PTPRO: variants seen among roughly 807,000 people sequenced by gnomAD.
The protein encoded by PTPRO is receptor-type tyrosine-protein phosphatase O.
In PTPRO, 62 loss-of-function variants were observed where a neutral mutation model predicts 145.2. The observed-to-expected ratio is 0.43, with a 90% CI of 0.35 to 0.53. PTPRO has a LOEUF of 0.53. Among genes scored for constraint, PTPRO ranks in the 20% least tolerant of loss-of-function variants. PTPRO has a pLI of 0.01. For missense variants in PTPRO, 1,345 were observed against 1,482.7 expected (o/e 0.91, Z 1.53); for synonymous variants, 565 against 514.7 (o/e 1.10, Z -1.32).
chr12:15,457,813 A>C (rs917621540), intron 1 of PTPRO, among the ~76,000 whole-genome samples: 1 of 152,094 alleles, frequency 6.6e-6, no homozygotes, highest in African/African-American at 2.4e-5. Context: ...GTATCTTTTA[A>C]AATATTTTTA....
chr12:15,555,332 T>C (rs536036070), intron 15 of PTPRO, among the ~76,000 whole-genome samples: 1 of 152,252 alleles, frequency 6.6e-6, no homozygotes, highest in East Asian at 1.9e-4. Flanking sequence ...AAGAAGGCCC[T>C]GCATTAATCA....
In PTPRO at chr12:15,596,680, C is replaced by T. The variant is rs935796619; in HGVS notation, c.*607C>T. 1 of 152,210 alleles carries T rather than the reference C, an allele frequency of 6.6e-6. No homozygotes were observed. The highest frequency in any genetic ancestry group is 1.5e-5 in the Non-Finnish European group (1 of 68,038). The allele number at this position is 152,210 out of a possible 1,614,324, so 9.4% of individuals were successfully genotyped here. Reference sequence around the variant, plus strand: ...TCAGGGAAGAGAGGGGTTCTACCCACAGATCAACTGTGTAATCTTTTACTA... The same window carrying T: ...TCAGGGAAGAGAGGGGTTCTACCCATAGATCAACTGTGTAATCTTTTACTA... On this transcript the variant is annotated 3_prime_UTR_variant, in exon 27 of 27. Transcript: ENST00000281171.
chr12:15,392,984 A>G (rs1022202222), intron 1 of PTPRO, among the ~76,000 whole-genome samples: 1 of 152,098 alleles, frequency 6.6e-6, no homozygotes, highest in African/African-American at 2.4e-5. Context: ...CATAGATCCA[A>G]TTGCATGTAT....
chr12:15,515,470 T>A (rs1555171836), intron 7 of PTPRO, 28 bp from the exon 8 acceptor site: 1 of 1,612,966 alleles, frequency 6.2e-7, no homozygotes, highest in Non-Finnish European at 8.5e-7. Flanking sequence ...CAGCTCTAAA[T>A]AAATCTTATT....
chr12:15,571,939 A>C (rs1013231243), intron 19 of PTPRO, among the ~76,000 whole-genome samples: 1 of 152,228 alleles, frequency 6.6e-6, no homozygotes, highest in South Asian at 2.1e-4. Flanking sequence ...TATAAATTTT[A>C]TGTGCTAAAT....
chr12:15,531,087 G>A (rs184289319), intron 12 of PTPRO, among the ~76,000 whole-genome samples: 12 of 152,190 alleles, frequency 7.9e-5, no homozygotes, highest in Admixed American at 7.2e-4. Context: ...ACTATGAACA[G>A]CTATAAACCA....
At position 15,504,008 on chromosome 12, in the gene PTPRO, T is replaced by C. The variant is rs1942271513; in HGVS notation, c.1206T>C (p.Ser402=). The change falls in exon 6 of 27, where the codon AGT becomes AGC. Residue 402 remains serine, a synonymous_variant. Transcript: ENST00000281171. ...GKYKLSVTTF[S]SSGSCETRKS... is the part of the protein sequence containing the mutation. ...ATAAGTTATCTGTGACAACCTTTAG[T>C]TCCTCAGGATCTTGTGAAACTCGAA... 3.1e-6 allele frequency: 5 copies of C among 1,612,376 alleles called. No homozygotes were observed. Among genetic ancestry groups the C allele is most frequent in the Admixed American group, 1.7e-5 (1 of 60,010 alleles).
At chr12:15,451,146 T>A (rs1941035548) in intron 1 of PTPRO, among the ~76,000 whole-genome samples, 1 of 151,916 alleles carries the variant, frequency 6.6e-6, no homozygotes, top group African/African-American at 2.4e-5. Context: ...AAAAAGACAT[T>A]CCATGCAAAT....
At chr12:15,460,739 C>T (rs551852778) in intron 1 of PTPRO, among the ~76,000 whole-genome samples, 141 of 152,280 alleles carry the variant, frequency 9.3e-4, no homozygotes, top group Admixed American at 2.7e-3. Context: ...ATAAGACCTA[C>T]GTTTAAGTAA....
chr12:15,500,941 A>G (rs1353301332), intron 4 of PTPRO, among the ~76,000 whole-genome samples: 3 of 152,192 alleles, frequency 2.0e-5, no homozygotes, highest in Non-Finnish European at 4.4e-5. Flanking sequence ...ATTAACAAAA[A>G]AGTTCATGGA....
rs1298190234 is a variant in PTPRO, at chr12:15,440,970, A to G, written c.76-43004A>G. ...GACAGGTCATGAAGGCAGCAAACTA[A>G]CAAAGAAACTCTGAACTTAAACTCA... On this transcript the variant is annotated intron_variant, in intron 1 of 26. Transcript: ENST00000281171. Among the ~76,000 whole-genome samples the G allele has an allele frequency of 2.0e-5, 3 of 152,198 alleles. No homozygotes were observed. The East Asian group carries it at 5.8e-4, about 29-fold the overall frequency.
chr12:15,508,506 C>T (rs1446503415), intron 6 of PTPRO, 65 bp from the exon 7 acceptor site: 11 of 1,487,298 alleles, frequency 7.4e-6, no homozygotes, highest in Admixed American at 1.8e-5. Context: ...TTTTTTAAAC[C>T]AGAATCTTTT....
intron 1 of PTPRO, among the ~76,000 whole-genome samples, chr12:15,471,182 C>T (rs779559775): frequency 6.6e-6 from 1 of 152,008 alleles, no homozygotes; most frequent in African/African-American, 2.4e-5. Context: ...AGTTTGAGAC[C>T]AGCATGGGCA....
At chr12:15,522,977 A>G (rs900796885) in intron 10 of PTPRO, among the ~76,000 whole-genome samples, 1 of 152,252 alleles carries the variant, frequency 6.6e-6, no homozygotes, top group African/African-American at 2.4e-5. Flanking sequence ...ATGTTGGAAT[A>G]TATTAGGAGG....
chr12:15,563,623 A>G (rs1373413598), intron 17 of PTPRO, among the ~76,000 whole-genome samples: 1 of 152,152 alleles, frequency 6.6e-6, no homozygotes. Context: ...ATTATACGTT[A>G]TATTGAAAGT....
chr12:15,483,988 C>T lies in PTPRO; in HGVS notation c.90C>T (p.Phe30=). ...TCATTCAACAGAATGCTACAGCTTT[C>T]CATGTAACTGTCCAAGATGATAATA... ...LFVLFKNATA[F]HVTVQDDNNI... The change falls in exon 2 of 27, where the codon TTC becomes TTT. Residue 30 remains phenylalanine (F), a synonymous_variant. Coordinates refer to ENST00000281171, the MANE Select transcript of PTPRO (RefSeq NM_030667.3). The T allele has an allele frequency of 1.2e-6, 2 of 1,613,490 alleles. No individual in the cohort carries two copies. The highest frequency in any genetic ancestry group is 1.7e-6 in the Non-Finnish European group (2 of 1,179,528).
At chr12:15,436,311 A>G (rs915447337) in intron 1 of PTPRO, among the ~76,000 whole-genome samples, 1 of 152,030 alleles carries the variant, frequency 6.6e-6, no homozygotes, top group Non-Finnish European at 1.5e-5. Flanking sequence ...ACACAGAAAA[A>G]CCTCCAAAAA....
chr12:15,561,967 T>A (rs1943784896), intron 17 of PTPRO, among the ~76,000 whole-genome samples: 1 of 152,128 alleles, frequency 6.6e-6, no homozygotes, highest in Non-Finnish European at 1.5e-5. Flanking sequence ...CAAGGTCTGC[T>A]ATTTCTAATA....
intron 2 of PTPRO, among the ~76,000 whole-genome samples, chr12:15,490,847 G>A (rs1941986097): frequency 1.3e-5 from 2 of 152,158 alleles, no homozygotes; most frequent in South Asian, 2.1e-4. Flanking sequence ...ACTGGTTTAG[G>A]ACAAAGATTC....
Sources: gnomAD v4.1 joint callset for allele counts (sites outside exome capture counted in the v4.1 genomes callset) on GRCh38, gnomAD v4.1.1 for gene constraint, MANE v1.5 for transcripts, NCBI Gene and HGNC (gene_info 2026-07-23, HGNC 2026-07-21) for gene names.